Variants in UBAC2 observed in about 807,000 individuals in gnomAD.
UBAC2 encodes the protein ubiquitin-associated domain-containing protein 2.
A neutral mutation model predicts 44.0 loss-of-function variants in UBAC2; 26 were observed. The observed-to-expected ratio is 0.59, with a 90% confidence interval of 0.43 to 0.82. UBAC2 has a LOEUF of 0.82. UBAC2 is among the 40% of genes least tolerant of loss of function. The pLI is 0.00. For missense variants in UBAC2, 329 were observed against 419.4 expected (o/e 0.78, Z 1.88); for synonymous variants, 155 against 154.3 (o/e 1.00, Z -0.04).
chr13:99,374,487 T>C (rs1291210104), intron 8 of UBAC2, among the ~76,000 whole-genome samples: 1 of 152,186 alleles, frequency 6.6e-6, no homozygotes. Flanking sequence ...CTCTGAGATA[T>C]CCATTAGCCC....
At chr13:99,266,126 G>A (rs1178844487) in intron 4 of UBAC2, among the ~76,000 whole-genome samples, 1 of 151,800 alleles carries the variant, frequency 6.6e-6, no homozygotes, top group Non-Finnish European at 1.5e-5. Context: ...CTTTGAAATT[G>A]AAATAATTTT....
chr13:99,322,286 C>A (rs191267560), intron 6 of UBAC2, among the ~76,000 whole-genome samples: 1 of 152,154 alleles, frequency 6.6e-6, no homozygotes, highest in Non-Finnish European at 1.5e-5. Flanking sequence ...TACTGAACTT[C>A]ATTTAAATTC....
chr13:99,327,360 G>A (rs2044653238), intron 6 of UBAC2, among the ~76,000 whole-genome samples: 4 of 152,178 alleles, frequency 2.6e-5, no homozygotes, highest in Admixed American at 2.6e-4. Context: ...GTCCGTTGCA[G>A]GACAGAACAT....
chr13:99,226,666 A>G (rs1403950104), intron 1 of UBAC2, among the ~76,000 whole-genome samples: 1 of 152,204 alleles, frequency 6.6e-6, no homozygotes, highest in Non-Finnish European at 1.5e-5. Flanking sequence ...CATTCCCCTC[A>G]TCACCACTTG....
chr13:99,283,091 G>A (rs1335916967), intron 4 of UBAC2, among the ~76,000 whole-genome samples: 1 of 152,172 alleles, frequency 6.6e-6, no homozygotes, highest in Non-Finnish European at 1.5e-5. Flanking sequence ...ATTTAGGAAG[G>A]CAAATAATCA....
chr13:99,332,077 C>T (rs2044722570), intron 6 of UBAC2, among the ~76,000 whole-genome samples: 1 of 151,288 alleles, frequency 6.6e-6, no homozygotes, highest in African/African-American at 2.4e-5. Flanking sequence ...GAAAGCAGCC[C>T]CTAGGTTTGT....
At chr13:99,371,772 G>C (rs1006720323) in intron 8 of UBAC2, among the ~76,000 whole-genome samples, 1 of 152,170 alleles carries the variant, frequency 6.6e-6, no homozygotes, top group African/African-American at 2.4e-5. Context: ...GCTGTAAACA[G>C]ATACTTTAGG....
At chr13:99,351,550 C>G (rs1184693460) in intron 7 of UBAC2, 3 of 456,572 alleles carry the variant, frequency 6.6e-6, no homozygotes, top group Non-Finnish European at 1.3e-5. Flanking sequence ...AACCTTTTAC[C>G]TGGAAATGTG....
At chr13:99,301,518 G>GT (rs1269267427) in intron 4 of UBAC2, among the ~76,000 whole-genome samples, 2 of 152,020 alleles carry the variant, frequency 1.3e-5, no homozygotes, top group Non-Finnish European at 2.9e-5. Context: ...GAGCCTGTGT[G>GT]TTTTTTTCTC....
chr13:99,361,026 A>G (rs747233282), intron 7 of UBAC2, among the ~76,000 whole-genome samples: 13 of 152,194 alleles, frequency 8.5e-5, no homozygotes, highest in Non-Finnish European at 1.0e-4. Context: ...AAACCTTTCA[A>G]TGCCTGTAGA....
At chr13:99,254,908 G>T in intron 4 of UBAC2, 2 of 1,613,748 alleles carry the variant, frequency 1.2e-6, no homozygotes, top group South Asian at 2.2e-5. Context: ...ATTGCTTAGT[G>T]ACCGTAGACT....
rs114706101 is a variant in UBAC2, at chr13:99,284,043, T to C, written c.390-30054T>C. Among the ~76,000 whole-genome samples the C allele has an allele frequency of 2.9e-3, 438 of 152,314 alleles. 2 individuals are homozygous for C. The highest frequency in any genetic ancestry group is 0.01 in the African/African-American group (425 of 41,564). ...CCACCACGCCTGGCCAATGCCACTTTATTTTTAAAGGTAAAACAGTCTAGT... is the reference window on the plus strand; with the variant it reads ...CCACCACGCCTGGCCAATGCCACTTCATTTTTAAAGGTAAAACAGTCTAGT... On this transcript the variant is annotated intron_variant, in intron 4 of 8. Coordinates refer to ENST00000403766, the MANE Select transcript of UBAC2 (RefSeq NM_001144072.2).
In UBAC2 at chr13:99,386,196, C is replaced by T. The variant is rs1246219648; in HGVS notation, c.*861C>T. On this transcript the variant is annotated 3_prime_UTR_variant, in exon 9 of 9. Coordinates refer to ENST00000403766, the MANE Select transcript of UBAC2 (RefSeq NM_001144072.2). The stretch of plus-strand genomic sequence containing the variant: ...GCCAGCCCCCTGGCAGCAGGTTCTC[C>T]TCAGGGCTTGGGTCTTCAACCTGTG... 6.6e-6 allele frequency: 1 copy of T among 152,274 alleles called. No homozygotes were observed. The highest frequency in any genetic ancestry group is 1.5e-5 in the Non-Finnish European group (1 of 68,100). The allele number at this position is 152,274 out of a possible 1,614,324, so 9.4% of individuals were successfully genotyped here. A position where few individuals can be genotyped will look rare whatever the true frequency, so the allele number is the denominator to read the frequency against.
At chr13:99,237,578 G>A (rs1179246858) in intron 1 of UBAC2, among the ~76,000 whole-genome samples, 1 of 152,208 alleles carries the variant, frequency 6.6e-6, no homozygotes, top group Admixed American at 6.5e-5. Flanking sequence ...TCAGGAGCGT[G>A]TCTGTAGTTG....
At chr13:99,310,036 T>C (rs2044391645) in intron 4 of UBAC2, among the ~76,000 whole-genome samples, 1 of 152,228 alleles carries the variant, frequency 6.6e-6, no homozygotes, top group Non-Finnish European at 1.5e-5. Flanking sequence ...ATATTAGTGA[T>C]TTTAAAGGAT....
At chr13:99,347,758 A>T (rs2045013930) in intron 7 of UBAC2, among the ~76,000 whole-genome samples, 1 of 149,844 alleles carries the variant, frequency 6.7e-6, no homozygotes, top group Non-Finnish European at 1.5e-5. Flanking sequence ...TGATAACGTC[A>T]TCTAGTGTGC....
rs191487955 is a variant in UBAC2 at position 99,205,162 on chromosome 13, A to G, written c.31+4223A>G. Among the ~76,000 whole-genome samples the G allele has an allele frequency of 7.4e-3, 1,124 of 152,254 alleles. 10 individuals carry two copies. Among genetic ancestry groups the G allele is most frequent in the South Asian group, 0.057 (277 of 4,832 alleles). ...CGTGATCCGCCCGCCTCGGCCTCCC[A>G]GAGTGCTGGGATTATAGGCGTGAGC... On this transcript the variant is annotated intron_variant, in intron 1 of 8. Coordinates refer to ENST00000403766, the MANE Select transcript of UBAC2 (RefSeq NM_001144072.2).
At chr13:99,239,752 T>C (rs2043279264) in intron 2 of UBAC2, among the ~76,000 whole-genome samples, 1 of 152,164 alleles carries the variant, frequency 6.6e-6, no homozygotes, top group Admixed American at 6.5e-5. Flanking sequence ...TTAAAACACC[T>C]AAGAGGCTCT....
At chr13:99,379,941 C>T (rs537954492) in intron 8 of UBAC2, among the ~76,000 whole-genome samples, 3 of 152,324 alleles carry the variant, frequency 2.0e-5, no homozygotes, top group East Asian at 1.9e-4. Context: ...GAGTGACGCA[C>T]GTGGGTTTTG....
Sources: gnomAD v4.1 joint callset for allele counts (sites outside exome capture counted in the v4.1 genomes callset) on GRCh38, gnomAD v4.1.1 for gene constraint, MANE v1.5 for transcripts, NCBI Gene and HGNC (gene_info 2026-07-23, HGNC 2026-07-21) for gene names.